The following WDR70 variants were observed in gnomAD, a reference collection of about 807,000 sequenced individuals.
WDR70 encodes the protein WD repeat-containing protein 70.
A neutral mutation model predicts 88.6 loss-of-function variants in WDR70; 53 were observed. That is an observed-to-expected ratio of 0.60 (90% confidence interval 0.48 to 0.75). The LOEUF (loss-of-function observed/expected upper bound fraction) is 0.75, where lower values mean the gene tolerates loss of function less well. Among genes scored for constraint, WDR70 ranks in the 30% least tolerant of loss-of-function variants. The pLI, the probability that WDR70 is intolerant of heterozygous loss-of-function variation, is 0.00. For synonymous variants in WDR70, 280 were observed against 270.0 expected (o/e 1.04, Z -0.36); for missense variants, 610 against 823.2 (o/e 0.74, Z 3.17).
intron 10 of WDR70, among the ~76,000 whole-genome samples, chr5:37,656,051 C>G (rs1210831708): frequency 8.7e-6 from 1 of 115,234 alleles, no homozygotes; most frequent in Non-Finnish European, 2.2e-5. Flanking sequence ...CCTTTTTGCC[C>G]TGGTTTTTTT....
chr5:37,634,515 A>G lies in WDR70; in HGVS notation c.1092+29277A>G, dbSNP rs550625924. Among the ~76,000 whole-genome samples, 5 of 152,234 alleles carry G rather than the reference A, an allele frequency of 3.3e-5. No homozygotes were observed. In the South Asian group the frequency reaches 1.0e-3, roughly 32 times the overall value. ...GTGGCATTGGAGTGGCGTGATATGGAGAGGGAAGTCTATGATCAGACTTAC... is the reference window on the plus strand; with the variant it reads ...GTGGCATTGGAGTGGCGTGATATGGGGAGGGAAGTCTATGATCAGACTTAC... On this transcript the variant is annotated intron_variant, in intron 10 of 17. Coordinates refer to ENST00000265107, the MANE Select transcript of WDR70 (RefSeq NM_018034.4).
intron 9 of WDR70, among the ~76,000 whole-genome samples, chr5:37,556,041 A>G (rs1050083214): frequency 6.6e-6 from 1 of 152,070 alleles, no homozygotes; most frequent in Non-Finnish European, 1.5e-5. Context: ...TAAGTACTAT[A>G]ATTAACCAAG....
At chr5:37,659,046 A>G (rs1745630706) in intron 10 of WDR70, among the ~76,000 whole-genome samples, 1 of 152,180 alleles carries the variant, frequency 6.6e-6, no homozygotes, top group Non-Finnish European at 1.5e-5. Flanking sequence ...TATCTGTAGG[A>G]GTAGTCTCAA....
intron 5 of WDR70, among the ~76,000 whole-genome samples, chr5:37,415,479 C>T (rs1293068202): frequency 2.5e-5 from 2 of 79,216 alleles, no homozygotes; most frequent in African/African-American, 8.6e-5. Context: ...CCACCTCCCT[C>T]CCGGAAGGGG....
At chr5:37,586,566 C>A (rs1289153206) in intron 9 of WDR70, among the ~76,000 whole-genome samples, 2 of 152,130 alleles carry the variant, frequency 1.3e-5, no homozygotes, top group African/African-American at 4.8e-5. Flanking sequence ...CCTAGCCCCC[C>A]ACCCACCGGC....
intron 9 of WDR70, among the ~76,000 whole-genome samples, chr5:37,557,959 T>TTTGAAAA: frequency 3.4e-5 from 5 of 146,622 alleles, no homozygotes; most frequent in African/African-American, 7.5e-5. Flanking sequence ...AAAAGAGTAT[T>TTTGAAAA]ATGTATATTT....
At chr5:37,401,499 T>A (rs2111922138) in intron 5 of WDR70, among the ~76,000 whole-genome samples, 1 of 151,808 alleles carries the variant, frequency 6.6e-6, no homozygotes, top group East Asian at 1.9e-4. Context: ...GTATTTTTAG[T>A]AGAGACGGAG....
At chr5:37,658,873 A>G (rs577180554) in intron 10 of WDR70, among the ~76,000 whole-genome samples, 33 of 152,214 alleles carry the variant, frequency 2.2e-4, no homozygotes, top group Non-Finnish European at 3.5e-4. Flanking sequence ...TACAAAATTA[A>G]ACATTTGAAG....
At chr5:37,425,301 A>G (rs1450993990) in intron 5 of WDR70, among the ~76,000 whole-genome samples, 8 of 152,250 alleles carry the variant, frequency 5.3e-5, no homozygotes, top group South Asian at 4.1e-4. Flanking sequence ...TGTAAGTGCT[A>G]TAGGGAAAGG....
intron 9 of WDR70, among the ~76,000 whole-genome samples, chr5:37,567,516 T>C (rs1179076067): frequency 6.6e-6 from 1 of 152,212 alleles, no homozygotes; most frequent in Non-Finnish European, 1.5e-5. Flanking sequence ...TTTGTTCTTA[T>C]GTTAACTCTT....
At chr5:37,512,512 C>A (rs1740751881) in intron 8 of WDR70, among the ~76,000 whole-genome samples, 1 of 152,084 alleles carries the variant, frequency 6.6e-6, no homozygotes, top group Non-Finnish European at 1.5e-5. Flanking sequence ...AGCCACCACG[C>A]CCAGCCCTCT....
intron 5 of WDR70, among the ~76,000 whole-genome samples, chr5:37,411,615 A>AC (rs1244188578): frequency 6.6e-6 from 1 of 152,082 alleles, no homozygotes; most frequent in East Asian, 1.9e-4. Context: ...AATTCCAGCT[A>AC]CTCGGGAGGC....
chr5:37,572,060 G>T (rs1172943646), intron 9 of WDR70, among the ~76,000 whole-genome samples: 1 of 152,118 alleles, frequency 6.6e-6, no homozygotes, highest in Admixed American at 6.6e-5. Flanking sequence ...TTCAGAAACT[G>T]CCCATAAATA....
At chr5:37,610,721 C>T (rs1339885809) in intron 10 of WDR70, among the ~76,000 whole-genome samples, 1 of 152,118 alleles carries the variant, frequency 6.6e-6, no homozygotes, top group African/African-American at 2.4e-5. Context: ...TGACCAGGTG[C>T]TACTTTGTAT....
At chr5:37,495,130 G>A (rs1740175773) in intron 8 of WDR70, among the ~76,000 whole-genome samples, 2 of 152,216 alleles carry the variant, frequency 1.3e-5, no homozygotes, top group Non-Finnish European at 2.9e-5. Context: ...TAAGCTGTGA[G>A]TATTCTCCCC....
chr5:37,615,819 G>A (rs1395145286), intron 10 of WDR70, among the ~76,000 whole-genome samples: 1 of 152,116 alleles, frequency 6.6e-6, no homozygotes, highest in Non-Finnish European at 1.5e-5. Context: ...TATAACCAGT[G>A]TCAGTCTTAT....
intron 10 of WDR70, among the ~76,000 whole-genome samples, chr5:37,640,985 T>C (rs1745086649): frequency 6.6e-6 from 1 of 152,244 alleles, no homozygotes; most frequent in Non-Finnish European, 1.5e-5. Context: ...GTCAATTCAC[T>C]TGCTTCCCAG....
intron 9 of WDR70, among the ~76,000 whole-genome samples, chr5:37,528,067 G>A (rs1561889209): frequency 6.6e-6 from 1 of 152,178 alleles, no homozygotes; most frequent in Non-Finnish European, 1.5e-5. Context: ...GGAAAACAGT[G>A]TGGTGATTCC....
chr5:37,638,716 A>G (rs535202785), intron 10 of WDR70, among the ~76,000 whole-genome samples: 176 of 152,340 alleles, frequency 1.2e-3, no homozygotes, highest in African/African-American at 4.1e-3. Context: ...ATCTGAGATC[A>G]GAGATCAGAT....
Sources: gnomAD v4.1 joint callset for allele counts (sites outside exome capture counted in the v4.1 genomes callset) on GRCh38, gnomAD v4.1.1 for gene constraint, MANE v1.5 for transcripts, NCBI Gene and HGNC (gene_info 2026-07-23, HGNC 2026-07-21) for gene names.